FMN2: variants seen among roughly 807,000 people sequenced by gnomAD.
FMN2 encodes the protein formin-2.
A neutral mutation model predicts 142.3 loss-of-function variants in FMN2; 51 were observed. The observed-to-expected ratio is 0.36, with a 90% CI of 0.29 to 0.45. FMN2 has a LOEUF of 0.45. FMN2 is among the 20% of genes least tolerant of loss of function. FMN2 has a pLI of 1.00. For synonymous variants in FMN2, 882 were observed against 869.8 expected, an observed-to-expected ratio of 1.01 and a Z score of -0.25; for missense variants, 1,936 against 2,122.8, an observed-to-expected ratio of 0.91 and a Z score of 1.73.
chr1:240,240,479 T>C (rs1327812898), intron 6 of FMN2, among the ~76,000 whole-genome samples: 1 of 152,258 alleles, frequency 6.6e-6, no homozygotes, highest in Non-Finnish European at 1.5e-5. Context: ...GTCATTAACC[T>C]TATTATCTGC....
intron 7 of FMN2, among the ~76,000 whole-genome samples, chr1:240,260,573 A>G (rs1263087773): frequency 2.6e-5 from 4 of 151,928 alleles, no homozygotes; most frequent in Admixed American, 6.6e-5. Flanking sequence ...GTCTATTTAT[A>G]TCCTTAGCCC....
chr1:240,104,016 A>G (rs576805288), intron 1 of FMN2, among the ~76,000 whole-genome samples: 236 of 151,746 alleles, frequency 1.6e-3, no homozygotes, highest in Middle Eastern at 3.4e-3. Context: ...AGCTGGGACT[A>G]CAGGCGCCCG....
At chr1:240,175,295 T>C (rs1016438915) in intron 2 of FMN2, among the ~76,000 whole-genome samples, 2 of 152,230 alleles carry the variant, frequency 1.3e-5, no homozygotes, top group African/African-American at 4.8e-5. Flanking sequence ...AACATAGGTG[T>C]ACAGATGTTT....
chr1:240,314,513 G>T (rs377119663), intron 8 of FMN2, among the ~76,000 whole-genome samples: 26 of 152,280 alleles, frequency 1.7e-4, no homozygotes, highest in African/African-American at 6.3e-4. Context: ...GGAAAGAGGA[G>T]AAGCAAAAGG....
At chr1:240,138,395 A>G (rs958583616) in intron 2 of FMN2, among the ~76,000 whole-genome samples, 2 of 152,082 alleles carry the variant, frequency 1.3e-5, no homozygotes, top group African/African-American at 4.8e-5. Context: ...AAATCCTTTT[A>G]TTTTTAAAAA....
In FMN2 at chr1:240,459,717, T is replaced by TTAA. The variant is rs1471697427; in HGVS notation, c.5061-12655_5061-12654insTAA. The stretch of plus-strand genomic sequence containing the variant: ...GGGTGACAGAACAAGACTCTGTCTC[T>TTAA]AAAAAAAAAAAAAAAAAAAAAAAAA... On this transcript the variant is annotated intron_variant, in intron 16 of 17. Coordinates refer to ENST00000319653, the MANE Select transcript of FMN2 (RefSeq NM_020066.5). Among the ~76,000 whole-genome samples the TTAA allele has an allele frequency of 3.4e-4, 23 of 67,130 alleles. 2 individuals are homozygous for TTAA. Among genetic ancestry groups the TTAA allele is most frequent in the African/African-American group, 1.1e-3 (21 of 19,470 alleles). 44.0% of individuals were successfully genotyped at this position (67,130 alleles called of 152,430 possible).
intron 6 of FMN2, among the ~76,000 whole-genome samples, chr1:240,246,096 C>T (rs1180937578): frequency 4.6e-5 from 7 of 152,138 alleles, no homozygotes; most frequent in Non-Finnish European, 7.3e-5. Flanking sequence ...AGGAGAATCA[C>T]GTGAACCCAG....
At chr1:240,154,999 C>A (rs570493391) in intron 2 of FMN2, among the ~76,000 whole-genome samples, 35 of 151,498 alleles carry the variant, frequency 2.3e-4, no homozygotes, top group Admixed American at 3.3e-4. Context: ...CAATCCCCCC[C>A]CCGACCTTGA....
At chr1:240,384,314 GAA>G (rs1673339548) in intron 14 of FMN2, among the ~76,000 whole-genome samples, 1 of 151,954 alleles carries the variant, frequency 6.6e-6, no homozygotes, top group African/African-American at 2.4e-5. Context: ...ATATTTAAAA[GAA>G]AGAAATATAT....
chr1:240,396,950 T>C (rs1380529175), intron 15 of FMN2, among the ~76,000 whole-genome samples: 1 of 152,222 alleles, frequency 6.6e-6, no homozygotes, highest in African/African-American at 2.4e-5. Flanking sequence ...CGCATTATTT[T>C]CCTTTGGGTG....
chr1:240,122,824 G>T (rs1163885013), intron 1 of FMN2, among the ~76,000 whole-genome samples: 1 of 152,082 alleles, frequency 6.6e-6, no homozygotes. Flanking sequence ...AGGCTTAGGT[G>T]GGGGGATTGC....
intron 1 of FMN2, among the ~76,000 whole-genome samples, chr1:240,108,515 A>T (rs1408199255): frequency 6.6e-6 from 1 of 152,184 alleles, no homozygotes. Context: ...GCTTGTCAAC[A>T]TCCTTATTTC....
intron 14 of FMN2, among the ~76,000 whole-genome samples, chr1:240,368,512 AT>A (rs1302710138): frequency 2.0e-5 from 3 of 152,228 alleles, no homozygotes; most frequent in African/African-American, 7.2e-5. Context: ...TTTTGAAGAT[AT>A]GTAAAATTCA....
intron 13 of FMN2, chr1:240,341,386 A>G (rs1671736430): frequency 6.6e-6 from 1 of 152,114 alleles, no homozygotes; most frequent in East Asian, 1.9e-4. Context: ...TAGAATGATG[A>G]TTTTTATAAA....
At chr1:240,122,469 G>A (rs1662321870) in intron 1 of FMN2, among the ~76,000 whole-genome samples, 2 of 152,160 alleles carry the variant, frequency 1.3e-5, no homozygotes, top group Middle Eastern at 3.4e-3. Flanking sequence ...TTTTAATAGA[G>A]ACGGGGTTTT....
At chr1:240,384,630 T>G (rs1673353739) in intron 14 of FMN2, among the ~76,000 whole-genome samples, 1 of 152,160 alleles carries the variant, frequency 6.6e-6, no homozygotes, top group African/African-American at 2.4e-5. Context: ...CTTTGTCTTT[T>G]CCTTATTGAC....
chr1:240,104,813 C>T (rs945917134), intron 1 of FMN2, among the ~76,000 whole-genome samples: 6 of 152,140 alleles, frequency 3.9e-5, no homozygotes, highest in Admixed American at 3.3e-4. Flanking sequence ...TCACCATTCA[C>T]CTTTTATTGT....
rs368340532 is a variant in FMN2, at chr1:240,123,276, C to T, written c.1713C>T (p.Leu571=). ...FCSRIIAMGL[L]LPFSDCFREP... ...CCCGGATCATTGCCATGGGTCTTCT[C>T]CTTCCTTTTAGTGATTGCTTCAGGG... The change falls in exon 2 of 18, where the codon CTC becomes CTT. Residue 571 remains leucine, a synonymous_variant. Coordinates refer to ENST00000319653, the MANE Select transcript of FMN2 (RefSeq NM_020066.5). 3 of 1,614,110 alleles carry T rather than the reference C, an allele frequency of 1.9e-6. No individual in the cohort carries two copies. The highest frequency in any genetic ancestry group is 2.5e-6 in the Non-Finnish European group (3 of 1,180,018).
At chr1:240,403,868 C>T (rs1052123675) in intron 15 of FMN2, among the ~76,000 whole-genome samples, 5 of 152,104 alleles carry the variant, frequency 3.3e-5, no homozygotes, top group Non-Finnish European at 7.4e-5. Flanking sequence ...ACACTACATT[C>T]CCTCTCCTAC....
Sources: allele counts gnomAD v4.1 joint callset (sites outside exome capture counted in the v4.1 genomes callset), GRCh38; gene constraint gnomAD v4.1.1; transcripts MANE v1.5; gene names NCBI Gene and HGNC (gene_info 2026-07-23, HGNC 2026-07-21).